Variants in UBTD1 observed in about 807,000 individuals in gnomAD.
UBTD1 encodes ubiquitin domain-containing protein 1.
UBTD1 carries 19 observed loss-of-function variants against 21.7 expected under a neutral mutation model. The observed-to-expected ratio is 0.87, with a 90% CI of 0.61 to 1.28. The LOEUF is 1.28. UBTD1 is among the 50% of genes most tolerant of loss of function. The probability of loss-of-function intolerance (pLI) is 0.00; values close to 1 mark genes in which losing one functional copy is unlikely to be tolerated. For synonymous variants in UBTD1, 116 were observed against 135.1 expected, an observed-to-expected ratio of 0.86 and a Z score of 0.98; for missense variants, 282 against 315.1, an observed-to-expected ratio of 0.89 and a Z score of 0.80.
chr10:97,526,746 G>A (rs1409923083), intron 1 of UBTD1, among the ~76,000 whole-genome samples: 55 of 151,534 alleles, frequency 3.6e-4, no homozygotes, highest in Admixed American at 3.6e-3. Flanking sequence ...AGCTACTTGG[G>A]AGGCTGAAGC....
chr10:97,528,186 A>T, intron 1 of UBTD1, among the ~76,000 whole-genome samples: 1 of 62,780 alleles, frequency 1.6e-5, no homozygotes, highest in East Asian at 7.4e-4. Context: ...TGACTCCCCC[A>T]CCTCCCTCCT....
chr10:97,532,930 C>T (rs536576220), intron 1 of UBTD1, among the ~76,000 whole-genome samples: 20 of 152,324 alleles, frequency 1.3e-4, no homozygotes, highest in Non-Finnish European at 2.8e-4. Flanking sequence ...TGGAGTCTGG[C>T]GCATCTTCGC....
intron 1 of UBTD1, among the ~76,000 whole-genome samples, chr10:97,524,496 C>T (rs957151208): frequency 6.6e-6 from 1 of 152,212 alleles, no homozygotes; most frequent in Non-Finnish European, 1.5e-5. Context: ...GAACAGGATT[C>T]ACCATTCCTC....
chr10:97,546,557 C>T (rs2040611462), intron 1 of UBTD1, among the ~76,000 whole-genome samples: 1 of 146,476 alleles, frequency 6.8e-6, no homozygotes, highest in Non-Finnish European at 1.5e-5. Flanking sequence ...CACTGCGCTC[C>T]AGCCTGGGTG....
intron 1 of UBTD1, among the ~76,000 whole-genome samples, chr10:97,552,288 C>T (rs532354902): frequency 4.5e-4 from 69 of 151,800 alleles, no homozygotes; most frequent in Admixed American, 2.4e-3. Flanking sequence ...GTGGGAGCAT[C>T]GCTTGAGCCC....
intron 1 of UBTD1, among the ~76,000 whole-genome samples, chr10:97,525,600 G>A (rs554447436): frequency 1.3e-5 from 2 of 152,222 alleles, no homozygotes; most frequent in East Asian, 1.9e-4. Flanking sequence ...CTGTCTATGC[G>A]GCTCACTTCT....
Position 97,499,109 on chromosome 10 carries a change from G to A in UBTD1, c.-95G>A. On this transcript the variant is annotated 5_prime_UTR_variant, in exon 1 of 3. Coordinates refer to ENST00000370664, the MANE Select transcript of UBTD1 (RefSeq NM_024954.5). ...GGGAGATCGGGGAGCGCCCGATGCC[G>A]GGCGGCCGGAGCCATTGACCCGGGA... 2.2e-6 allele frequency: 3 copies of A among 1,365,978 alleles called. No homozygotes were observed. The highest frequency in any genetic ancestry group is 1.9e-6 in the Non-Finnish European group (2 of 1,026,804). 84.6% of individuals were successfully genotyped at this position (1,365,978 alleles called of 1,614,324 possible). A position where few individuals can be genotyped will look rare whatever the true frequency, so the allele number is the denominator to read the frequency against.
intron 1 of UBTD1, among the ~76,000 whole-genome samples, chr10:97,500,972 C>G (rs999608170): frequency 6.6e-6 from 1 of 152,216 alleles, no homozygotes; most frequent in Non-Finnish European, 1.5e-5. Flanking sequence ...TCCTTCTTTA[C>G]TCTTATGTTC....
At chr10:97,550,967 A>G (rs115124576) in intron 1 of UBTD1, among the ~76,000 whole-genome samples, 2,672 of 152,312 alleles carry the variant, frequency 0.018, 81 homozygotes, top group African/African-American at 0.061. Context: ...AGCTCTCAGC[A>G]GCACCTCTGG....
At chr10:97,567,841 G>T in intron 1 of UBTD1, 73 bp from the exon 2 acceptor site, 4 of 1,458,288 alleles carry the variant, frequency 2.7e-6, no homozygotes, top group Non-Finnish European at 3.8e-6. Flanking sequence ...CTGGGGAGGG[G>T]AGGGGAGGGG....
rs532085545 is a variant in UBTD1 at position 97,532,750 on chromosome 10, A to G, written c.70+33477A>G. Among the ~76,000 whole-genome samples, 11 of 152,132 alleles carry G rather than the reference A, an allele frequency of 7.2e-5. No homozygotes were observed. In the East Asian group the frequency reaches 2.1e-3, roughly 29 times the overall value. ...GGTCGCAGTGAGCCAAGTTCGTGCC[A>G]CTGCTCTCCAGCCTGGGCAACAAGA... On this transcript the variant is annotated intron_variant, in intron 1 of 2. Coordinates refer to ENST00000370664, the MANE Select transcript of UBTD1 (RefSeq NM_024954.5).
rs775474309 is a variant in UBTD1 at position 97,570,554 on chromosome 10, G to A, written c.*31G>A. 1.4e-5 allele frequency: 22 copies of A among 1,561,288 alleles called. No individual in the cohort carries two copies. The highest frequency in any genetic ancestry group is 6.8e-5 in the East Asian group (3 of 44,092). On this transcript the variant is annotated 3_prime_UTR_variant, in exon 3 of 3. Coordinates refer to ENST00000370664, the MANE Select transcript of UBTD1 (RefSeq NM_024954.5). This position sits in a 1 kb window ranked among gnomAD's most constrained non-coding sequence, Gnocchi z 6.6. ...CCACGGACCCCTGGGAAGAGGCCCC[G>A]CCTGGAGCACTAGGCCCCCACCCTG...
At chr10:97,567,323 T>C (rs555959041) in intron 1 of UBTD1, among the ~76,000 whole-genome samples, 1 of 145,940 alleles carries the variant, frequency 6.9e-6, no homozygotes, top group Non-Finnish European at 1.5e-5. Flanking sequence ...TCCTACTGCC[T>C]CCCAAAGTGC....
intron 1 of UBTD1, among the ~76,000 whole-genome samples, chr10:97,508,949 G>A (rs193135481): frequency 3.3e-5 from 5 of 152,184 alleles, no homozygotes; most frequent in Admixed American, 2.0e-4. Context: ...CAGATGCCAG[G>A]GACTTGAAGA....
intron 1 of UBTD1, among the ~76,000 whole-genome samples, chr10:97,540,443 C>G (rs1422763802): frequency 1.3e-5 from 2 of 152,192 alleles, no homozygotes; most frequent in East Asian, 3.8e-4. Flanking sequence ...GCCCACCACC[C>G]AGCTGTGTGG....
intron 1 of UBTD1, among the ~76,000 whole-genome samples, chr10:97,502,741 T>TA (rs1487793597): frequency 1.3e-5 from 2 of 152,036 alleles, no homozygotes; most frequent in Non-Finnish European, 2.9e-5. Context: ...AGAGACACAA[T>TA]ACTGTCTGGT....
chr10:97,507,680 G>A lies in UBTD1; in HGVS notation c.70+8407G>A, dbSNP rs375526362. On this transcript the variant is annotated intron_variant, in intron 1 of 2. Coordinates refer to ENST00000370664, the MANE Select transcript of UBTD1 (RefSeq NM_024954.5). ...AATCCCAGCTACTCAGGAGGCTGAG[G>A]CAGGAGAATCGCTTGAACCTGGGAG... 3.2e-4 allele frequency among the ~76,000 whole-genome samples: 49 copies of A among 151,094 alleles called. No homozygotes were observed. The South Asian group carries it at 0.01, about 32-fold the overall frequency.
At position 97,570,594 on chromosome 10, in the gene UBTD1, T is replaced by C; in HGVS notation, c.*71T>C. 1.3e-6 allele frequency: 2 copies of C among 1,511,770 alleles called. No homozygotes were observed. Among genetic ancestry groups the C allele is most frequent in the South Asian group, 1.3e-5 (1 of 78,332 alleles). 93.6% of individuals were successfully genotyped at this position (1,511,770 alleles called of 1,614,324 possible). ...CCCCCACCCTGCTGCTGCCTTCCAG[T>C]GCTGTCATTTTCTTCAGGGGCCCTC... On this transcript the variant is annotated 3_prime_UTR_variant, in exon 3 of 3. Transcript: ENST00000370664. This position sits in a 1 kb window ranked among gnomAD's most constrained non-coding sequence, Gnocchi z 6.6.
rs938461071 is a variant in UBTD1, at chr10:97,532,907, A to G, written c.70+33634A>G. On this transcript the variant is annotated intron_variant, in intron 1 of 2. Coordinates refer to ENST00000370664, the MANE Select transcript of UBTD1 (RefSeq NM_024954.5). ...TATTTCCGGTGTGTCTCGGGCCCCT[A>G]CCAAGGGCAGCCTGGAGTCTGGCGC... Among the ~76,000 whole-genome samples, 11 of 152,230 alleles carry G rather than the reference A, an allele frequency of 7.2e-5. 1 individual carries two copies. Among genetic ancestry groups the G allele is most frequent in the Admixed American group, 4.6e-4 (7 of 15,302 alleles).
Sources: gnomAD v4.1 joint callset for allele counts (sites outside exome capture counted in the v4.1 genomes callset) on GRCh38, gnomAD v4.1.1 for gene constraint, Gnocchi (gnomAD v3.1) non-coding constraint, MANE v1.5 for transcripts, NCBI Gene and HGNC (gene_info 2026-07-23, HGNC 2026-07-21) for gene names.